USP15: variants seen among roughly 807,000 people sequenced by gnomAD.
USP15 encodes ubiquitin carboxyl-terminal hydrolase 15.
Under a neutral mutation model 127.1 loss-of-function variants are expected in USP15, and 18 were observed. That is an observed-to-expected ratio of 0.14 (90% CI 0.10 to 0.21). USP15 has a LOEUF of 0.21. Among genes scored for constraint, USP15 ranks in the 10% least tolerant of loss-of-function variants. The pLI is 1.00. For missense variants in USP15, 805 were observed against 1,159.9 expected (o/e 0.69, Z 4.44); for synonymous variants, 364 against 393.7 (o/e 0.92, Z 0.89).
chr12:62,360,370 T>G (rs1242033486), intron 8 of USP15, among the ~76,000 whole-genome samples: 2 of 152,078 alleles, frequency 1.3e-5, no homozygotes, highest in Non-Finnish European at 2.9e-5. Context: ...AAACTTAATT[T>G]CAAAAATTTA....
rs536799204 is a variant in USP15, at chr12:62,333,172, T to G, written c.683+7239T>G. ...GTAGCCATTCTTTATTCCTTGTCAT[T>G]CAGCCAGTTCATACATTTCAGTAAC... On this transcript the variant is annotated intron_variant, in intron 6 of 21. Transcript: ENST00000280377. 7.0e-4 allele frequency among the ~76,000 whole-genome samples: 106 copies of G among 152,324 alleles called. 1 individual carries two copies. The highest frequency in any genetic ancestry group is 2.4e-3 in the African/African-American group (101 of 41,576).
At position 62,405,539 on chromosome 12, in the gene USP15, A is replaced by G. The variant is rs930692337; in HGVS notation, c.*1164A>G. The G allele has an allele frequency of 6.6e-6, 1 of 152,610 alleles. No individual in the cohort carries two copies. Among genetic ancestry groups the G allele is most frequent in the African/African-American group, 2.4e-5 (1 of 41,464 alleles). 9.5% of individuals were successfully genotyped at this position (152,610 alleles called of 1,614,324 possible). A position where few individuals can be genotyped will look rare whatever the true frequency, so the allele number is the denominator to read the frequency against. On this transcript the variant is annotated 3_prime_UTR_variant, in exon 22 of 22. Coordinates refer to ENST00000280377, the MANE Select transcript of USP15 (RefSeq NM_001252078.2). ...TGATTTTAGTTCACCACATTCAAGG[A>G]TCCAGGATGCCAAAAATATGTGTGA...
rs921297438 is a variant in USP15, at chr12:62,410,884, A to G, written c.*6509A>G. ...TTTTTTAATTTTGGGCCTCACTCCT[A>G]TAAAAGACTTGGAACAGAAGTCTTA... On this transcript the variant is annotated 3_prime_UTR_variant, in exon 22 of 22. Transcript: ENST00000280377. The G allele has an allele frequency of 6.6e-6, 1 of 151,234 alleles. No individual in the cohort carries two copies. The highest frequency in any genetic ancestry group is 2.4e-5 in the African/African-American group (1 of 41,110). 9.4% of individuals were successfully genotyped at this position (151,234 alleles called of 1,614,324 possible).
At chr12:62,322,433 G>C (rs925860399) in intron 5 of USP15, among the ~76,000 whole-genome samples, 13 of 152,064 alleles carry the variant, frequency 8.5e-5, no homozygotes, top group African/African-American at 3.1e-4. Context: ...ACCGTGCCCG[G>C]CCGGTATTTT....
At chr12:62,326,070 C>T in intron 6 of USP15, 137 bp downstream of exon 6, 1 of 684,958 alleles carries the variant, frequency 1.5e-6, no homozygotes, top group South Asian at 2.9e-5. Flanking sequence ...GTATTTTGTT[C>T]TTAGTATACA....
At chr12:62,328,293 C>CT in intron 6 of USP15, 1 of 453,578 alleles carries the variant, frequency 2.2e-6, no homozygotes, top group Non-Finnish European at 4.4e-6. Flanking sequence ...ATGTTTTCAG[C>CT]TTTGTGGGCC....
At chr12:62,307,507 GA>G (rs2064521032) in intron 3 of USP15, among the ~76,000 whole-genome samples, 2 of 152,220 alleles carry the variant, frequency 1.3e-5, no homozygotes, top group South Asian at 4.1e-4. Context: ...ATGGGGGGCA[GA>G]AAACTTGTCT....
At chr12:62,289,697 T>TTGTGTGTGTG (rs71450579) in intron 1 of USP15, among the ~76,000 whole-genome samples, 8,387 of 135,330 alleles carry the variant, frequency 0.062, 352 homozygotes, top group African/African-American at 0.11. Context: ...GGTTGTTAAT[T>TTGTGTGTGTG]TGTGTGTGTG....
chr12:62,371,199 G>A (rs1359586411), intron 8 of USP15, among the ~76,000 whole-genome samples: 1 of 152,126 alleles, frequency 6.6e-6, no homozygotes, highest in Non-Finnish European at 1.5e-5. Context: ...CTGTCTACCT[G>A]TTTAGCCAAA....
chr12:62,374,091 A>G (rs1249994463), intron 8 of USP15, among the ~76,000 whole-genome samples: 1 of 152,026 alleles, frequency 6.6e-6, no homozygotes, highest in Non-Finnish European at 1.5e-5. Flanking sequence ...GACATGGCGA[A>G]TATGAAAATT....
At chr12:62,317,749 G>A (rs931168451) in intron 4 of USP15, among the ~76,000 whole-genome samples, 9 of 152,224 alleles carry the variant, frequency 5.9e-5, no homozygotes, top group Non-Finnish European at 1.3e-4. Context: ...TCTGTTTTCA[G>A]CTAGTACTAC....
At chr12:62,305,961 A>G (rs531922811) in intron 3 of USP15, 1 of 152,202 alleles carries the variant, frequency 6.6e-6, no homozygotes, top group Admixed American at 6.6e-5. Context: ...ATTCAACTGC[A>G]TATGGCGAGG....
Position 62,408,463 on chromosome 12 carries a change from C to G in USP15, c.*4088C>G, listed in dbSNP as rs2067946244. 1 of 151,956 alleles carries G rather than the reference C, an allele frequency of 6.6e-6. No homozygotes were observed. The highest frequency in any genetic ancestry group is 2.1e-4 in the South Asian group (1 of 4,824). 9.4% of individuals were successfully genotyped at this position (151,956 alleles called of 1,614,324 possible). On this transcript the variant is annotated 3_prime_UTR_variant, in exon 22 of 22. Coordinates refer to ENST00000280377, the MANE Select transcript of USP15 (RefSeq NM_001252078.2). Reference sequence around the variant, plus strand: ...AGGAACCAGAGGTCCTCTAAAATATCAGAGGAGTGAGAAGGAAAGGAAGAG... The same window carrying G: ...AGGAACCAGAGGTCCTCTAAAATATGAGAGGAGTGAGAAGGAAAGGAAGAG...
intron 5 of USP15, among the ~76,000 whole-genome samples, chr12:62,324,494 A>T (rs1454818255): frequency 1.3e-5 from 2 of 151,962 alleles, no homozygotes; most frequent in African/African-American, 4.8e-5. Context: ...AACATTCTGG[A>T]GAAGTGAAAA....
At chr12:62,355,290 T>C (rs1408145450) in intron 7 of USP15, 41 bp from the exon 8 acceptor site, 2 of 1,520,372 alleles carry the variant, frequency 1.3e-6, no homozygotes, top group Non-Finnish European at 1.8e-6. Context: ...AAATATGTTG[T>C]AATATAATTG....
chr12:62,294,172 T>C lies in USP15; in HGVS notation c.90-7T>C, dbSNP rs1404357758. Reference sequence around the variant, plus strand: ...ATTTTCCTTAACCAATTTCTTTTATTTTTTAGGTACCTAGTCGATAGTCGC... The same window carrying C: ...ATTTTCCTTAACCAATTTCTTTTATCTTTTAGGTACCTAGTCGATAGTCGC... On this transcript the variant is annotated splice_polypyrimidine_tract_variant and splice_region_variant and intron_variant, in intron 1 of 21. Transcript: ENST00000280377. 5 of 1,609,592 alleles carry C rather than the reference T, an allele frequency of 3.1e-6. No individual in the cohort carries two copies. Among genetic ancestry groups the C allele is most frequent in the Non-Finnish European group, 3.4e-6 (4 of 1,178,836 alleles).
chr12:62,361,885 CA>C (rs1415644301), intron 8 of USP15, among the ~76,000 whole-genome samples: 1 of 151,892 alleles, frequency 6.6e-6, no homozygotes, highest in Non-Finnish European at 1.5e-5. Flanking sequence ...TTACTTAAAC[CA>C]TTGTTCGATT....
rs1489955288 is a variant in USP15, at chr12:62,412,896, T to C, written c.*8521T>C. ...TCACAAATATTCTGAATGAATGGCA[T>C]CCAGAATAGCAAATCCTTTTCAGAA... On this transcript the variant is annotated 3_prime_UTR_variant, in exon 22 of 22. Transcript: ENST00000280377. 3 of 152,234 alleles carry C rather than the reference T, an allele frequency of 2.0e-5. No individual in the cohort carries two copies. Among genetic ancestry groups the C allele is most frequent in the African/African-American group, 7.2e-5 (3 of 41,462 alleles). The allele number at this position is 152,234 out of a possible 1,614,324, so 9.4% of individuals were successfully genotyped here.
intron 9 of USP15, among the ~76,000 whole-genome samples, chr12:62,382,614 G>T (rs1052647429): frequency 4.0e-5 from 6 of 151,714 alleles, no homozygotes; most frequent in African/African-American, 1.5e-4. Flanking sequence ...GTGTAAATAG[G>T]TTCTTTATGT....
Sources: gnomAD v4.1 joint callset for allele counts (sites outside exome capture counted in the v4.1 genomes callset) on GRCh38, gnomAD v4.1.1 for gene constraint, MANE v1.5 for transcripts, NCBI Gene and HGNC (gene_info 2026-07-23, HGNC 2026-07-21) for gene names.